SKOR2: variants seen among roughly 807,000 people sequenced by gnomAD.
The protein encoded by SKOR2 is SKI family transcriptional corepressor 2.
SKOR2 carries 47 observed loss-of-function variants against 69.1 expected under a neutral mutation model. The ratio of observed to expected loss-of-function variants is 0.68; its 90% CI spans 0.54 to 0.87. The LOEUF (loss-of-function observed/expected upper bound fraction) is 0.87. Among genes scored for constraint, SKOR2 ranks in the 40% least tolerant of loss-of-function variants. The pLI, the probability that SKOR2 is intolerant of heterozygous loss-of-function variation, is 0.00. For missense variants in SKOR2, 1,404 were observed against 1,472.2 expected (o/e 0.95, Z 0.76); for synonymous variants, 717 against 672.6 (o/e 1.07, Z -1.02).
At chr18:47,232,072 G>A (rs2064201912) in intron 4 of SKOR2, among the ~76,000 whole-genome samples, 1 of 152,046 alleles carries the variant, frequency 6.6e-6, no homozygotes, top group East Asian at 1.9e-4. Flanking sequence ...CCAGGAGATT[G>A]AGGCTGTAGT....
Position 47,219,931 on chromosome 18 carries a change from A to G in SKOR2, c.2985+12T>C. On this transcript the variant is annotated intron_variant, in intron 7 of 8. Coordinates refer to ENST00000425639, the MANE Select transcript of SKOR2 (RefSeq NM_001278063.4). ...TAAGTTGCATTTATTTTTAAGTAGAAATGCAGCTTACAATTTGTAACTGTT... is the reference window on the plus strand; with the variant it reads ...TAAGTTGCATTTATTTTTAAGTAGAGATGCAGCTTACAATTTGTAACTGTT... 6.5e-7 allele frequency: 1 copy of G among 1,534,432 alleles called. No individual in the cohort carries two copies. The highest frequency in any genetic ancestry group is 8.7e-7 in the Non-Finnish European group (1 of 1,145,624).
At chr18:47,239,948 C>T (rs1450036786) in intron 4 of SKOR2, among the ~76,000 whole-genome samples, 1 of 150,456 alleles carries the variant, frequency 6.6e-6, no homozygotes, top group African/African-American at 2.4e-5. Context: ...CTAGTCTATA[C>T]TTCAAAGAAT....
chr18:47,242,532 T>C (rs981668676), intron 4 of SKOR2, among the ~76,000 whole-genome samples: 3 of 152,146 alleles, frequency 2.0e-5, no homozygotes, highest in Non-Finnish European at 4.4e-5. Context: ...TATCCCATAA[T>C]TTTGTATGAA....
intron 4 of SKOR2, among the ~76,000 whole-genome samples, chr18:47,241,390 T>C (rs1422695415): frequency 6.6e-6 from 1 of 152,162 alleles, no homozygotes; most frequent in African/African-American, 2.4e-5. Flanking sequence ...CTTTGCCAAA[T>C]AAATGGATTC....
In SKOR2 at chr18:47,247,876, GC is replaced by G; in HGVS notation, c.1307del (p.Gly436AlafsTer60). ...DAGAAAEALG[G>X]AGAGGAGAAP... ...CCGCGCCCGCGCCGCCTGCGCCCGC[GC>G]CCCCCAGGGCCTCAGCGGCGGCACC... On this transcript the variant is annotated frameshift_variant, in exon 2 of 9. Transcript: ENST00000425639. LOFTEE classifies it high-confidence loss of function. This position sits in a 1 kb window ranked among gnomAD's most constrained non-coding sequence, Gnocchi z 6.6. The G allele has an allele frequency of 4.4e-6, 6 of 1,354,130 alleles. No individual in the cohort carries two copies. The highest frequency in any genetic ancestry group is 1.8e-5 in the South Asian group (1 of 54,090). The allele number at this position is 1,354,130 out of a possible 1,614,324, so 83.9% of individuals were successfully genotyped here. A position where few individuals can be genotyped will look rare whatever the true frequency, so the allele number is the denominator to read the frequency against.
chr18:47,245,648 A>G, intron 2 of SKOR2, 87 bp from the exon 3 acceptor site: 1 of 1,270,016 alleles, frequency 7.9e-7, no homozygotes, highest in Non-Finnish European at 1.1e-6. Flanking sequence ...AAGCATCAAT[A>G]AAAGTGACTC....
At chr18:47,209,059 G>A (rs1451735650) in intron 8 of SKOR2, among the ~76,000 whole-genome samples, 3 of 152,008 alleles carry the variant, frequency 2.0e-5, no homozygotes, top group Admixed American at 1.3e-4. Flanking sequence ...GGTTGATATC[G>A]TTAAGAACAA....
intron 4 of SKOR2, among the ~76,000 whole-genome samples, chr18:47,242,467 CTG>C (rs1288516570): frequency 6.6e-6 from 1 of 152,042 alleles, no homozygotes; most frequent in African/African-American, 2.4e-5. Flanking sequence ...AAATTTCAGA[CTG>C]TGAAATTTGG....
chr18:47,228,658 C>T (rs1349242218), intron 6 of SKOR2, among the ~76,000 whole-genome samples: 1 of 152,164 alleles, frequency 6.6e-6, no homozygotes. Flanking sequence ...TAAACATCAG[C>T]TATTGGGAAA....
At chr18:47,209,502 C>A (rs1257211354) in intron 8 of SKOR2, among the ~76,000 whole-genome samples, 1 of 152,152 alleles carries the variant, frequency 6.6e-6, no homozygotes, top group East Asian at 1.9e-4. Flanking sequence ...GCTGATTTAG[C>A]TAAGCATTTA....
In SKOR2 at chr18:47,249,145, C is replaced by CAG; in HGVS notation, c.37_38dup (p.Leu14CysfsTer14). ...GGAAGGCGCTCGACGGCGACGCCAG[C>CAG]AGGATGTCGTTGGGCCCTGGCAGCG... On this transcript the variant is annotated frameshift_variant, in exon 2 of 9. Transcript: ENST00000425639. LOFTEE classifies it high-confidence loss of function. 6.5e-7 allele frequency: 1 copy of CAG among 1,535,668 alleles called. No individual in the cohort carries two copies. Among genetic ancestry groups the CAG allele is most frequent in the Non-Finnish European group, 8.7e-7 (1 of 1,146,636 alleles).
At chr18:47,250,761 GTCAC>G (rs2064308777) in intron 1 of SKOR2, among the ~76,000 whole-genome samples, 1 of 152,184 alleles carries the variant, frequency 6.6e-6, no homozygotes, top group African/African-American at 2.4e-5. Flanking sequence ...AAGCCTGCTT[GTCAC>G]TTTGGGTGGA....
At chr18:47,212,759 G>C (rs2064131598) in intron 7 of SKOR2, among the ~76,000 whole-genome samples, 1 of 152,078 alleles carries the variant, frequency 6.6e-6, no homozygotes. Flanking sequence ...GATCACTTGA[G>C]CCCAGGAGTT....
At chr18:47,240,911 G>A (rs1390986852) in intron 4 of SKOR2, among the ~76,000 whole-genome samples, 4 of 152,046 alleles carry the variant, frequency 2.6e-5, no homozygotes, top group Non-Finnish European at 4.4e-5. Context: ...AAGACATTTC[G>A]TTCTTTTTTT....
Position 47,247,676 on chromosome 18 carries a change from G to C in SKOR2, c.1508C>G (p.Pro503Arg). 1 of 1,371,906 alleles carries C rather than the reference G, an allele frequency of 7.3e-7. No homozygotes were observed. Among genetic ancestry groups the C allele is most frequent in the Non-Finnish European group, 9.4e-7 (1 of 1,067,500 alleles). The allele number at this position is 1,371,906 out of a possible 1,614,324, so 85.0% of individuals were successfully genotyped here. A position where few individuals can be genotyped will look rare whatever the true frequency, so the allele number is the denominator to read the frequency against. Reference sequence around the variant, plus strand: ...CAGGAAGGCCTGGCGCAGCAGGGCCGGGCTTTCGCCTAGCGCGCAGCCTAG... The same window carrying C: ...CAGGAAGGCCTGGCGCAGCAGGGCCCGGCTTTCGCCTAGCGCGCAGCCTAG... Reference protein sequence around the residue: ...SALGCALGESPALLRQAFLDL... With the variant: ...SALGCALGESRALLRQAFLDL... The change falls in exon 2 of 9, where the codon CCG (proline) becomes CGG (arginine). Residue 503 changes from proline to arginine, a missense_variant. Transcript: ENST00000425639. The surrounding 1 kb of genome is among the most constrained non-coding windows in gnomAD (Gnocchi z 6.6).
intron 6 of SKOR2, among the ~76,000 whole-genome samples, chr18:47,221,223 T>C (rs1380228750): frequency 6.6e-6 from 1 of 152,204 alleles, no homozygotes; most frequent in Non-Finnish European, 1.5e-5. Context: ...AAACATGTGT[T>C]CTAATTAATT....
chr18:47,241,126 C>T (rs2064246786), intron 4 of SKOR2, among the ~76,000 whole-genome samples: 1 of 152,086 alleles, frequency 6.6e-6, no homozygotes, highest in South Asian at 2.1e-4. Flanking sequence ...AGGGCAGGGA[C>T]TCGTATTGAT....
Position 47,247,791 on chromosome 18 carries a change from G to C in SKOR2, c.1393C>G (p.Pro465Ala). ...WPAGRKDAFY[P>A]PFCMFWPPRT... Reference sequence around the variant, plus strand: ...GGCGGCCAGAACATGCAGAAGGGCGGATAGAAGGCGTCCTTGCGGCCCGCG... The same window carrying C: ...GGCGGCCAGAACATGCAGAAGGGCGCATAGAAGGCGTCCTTGCGGCCCGCG... The change falls in exon 2 of 9, where the codon CCG (proline) becomes GCG (alanine). Residue 465 changes from proline to alanine, a missense_variant. Pro to Ala is a conservative substitution (Grantham distance 27). Around this residue, in one of 3 missense-constraint regions of SKOR2, gnomAD observed 1,266 missense variants for 1,309.9 expected, o/e 0.97. Coordinates refer to ENST00000425639, the MANE Select transcript of SKOR2 (RefSeq NM_001278063.4). This position sits in a 1 kb window ranked among gnomAD's most constrained non-coding sequence, Gnocchi z 6.6. 7.1e-7 allele frequency: 1 copy of C among 1,399,424 alleles called. No individual in the cohort carries two copies. Among genetic ancestry groups the C allele is most frequent in the Non-Finnish European group, 9.2e-7 (1 of 1,084,466 alleles). 86.7% of individuals were successfully genotyped at this position (1,399,424 alleles called of 1,614,324 possible).
chr18:47,213,416 TATA>T (rs1479679185), intron 7 of SKOR2, among the ~76,000 whole-genome samples: 1 of 148,104 alleles, frequency 6.8e-6, no homozygotes, highest in African/African-American at 2.5e-5. Flanking sequence ...ATTATATATA[TATA>T]ATATTTCCCA....
Sources: gnomAD v4.1 joint callset for allele counts (sites outside exome capture counted in the v4.1 genomes callset) on GRCh38, gnomAD v4.1.1 for gene constraint, gnomAD v4.1.1 regional missense constraint, Gnocchi (gnomAD v3.1) non-coding constraint, MANE v1.5 for transcripts, NCBI Gene and HGNC (gene_info 2026-07-23, HGNC 2026-07-21) for gene names.